Variants in PCDHGA7 observed in about 807,000 individuals in gnomAD.
PCDHGA7 encodes protocadherin gamma subfamily A, 7.
PCDHGA7 carries 44 observed loss-of-function variants against 58.3 expected under a neutral mutation model. That is an observed-to-expected ratio of 0.75 (90% confidence interval 0.59 to 0.97). PCDHGA7 has a LOEUF of 0.97. Ranked by LOEUF, PCDHGA7 falls within the 50% of genes least tolerant of loss-of-function variation. PCDHGA7 has a pLI of 0.00. For synonymous variants in PCDHGA7, 516 were observed against 504.2 expected, an observed-to-expected ratio of 1.02 and a Z score of -0.31; for missense variants, 1,266 against 1,188.7, an observed-to-expected ratio of 1.06 and a Z score of -0.96.
chr5:141,496,766 CT>C (rs1361332988), intron 2 of PCDHGA7, among the ~76,000 whole-genome samples: 1 of 152,068 alleles, frequency 6.6e-6, no homozygotes, highest in Non-Finnish European at 1.5e-5. Context: ...TATCGAGCAT[CT>C]ACTATGAGCA....
intron 1 of PCDHGA7, chr5:141,430,905 C>T: frequency 6.2e-7 from 1 of 1,606,922 alleles, no homozygotes; most frequent in Non-Finnish European, 8.5e-7. Context: ...GGCGACATCT[C>T]CAGGGACCTG....
chr5:141,404,835 C>T, intron 1 of PCDHGA7: 1 of 1,613,920 alleles, frequency 6.2e-7, no homozygotes, highest in Non-Finnish European at 8.5e-7. Context: ...GAAGTGCGCA[C>T]AGCTCGGGCC....
chr5:141,386,424 C>A (rs1233589909), intron 1 of PCDHGA7, among the ~76,000 whole-genome samples: 1 of 151,904 alleles, frequency 6.6e-6, no homozygotes, highest in Non-Finnish European at 1.5e-5. Flanking sequence ...AAGCTGTAGC[C>A]CACCTGCATG....
rs979237199 is a variant in PCDHGA7, at chr5:141,477,828, G to C, written c.2425-16979G>C. On this transcript the variant is annotated intron_variant, in intron 1 of 3. Transcript: ENST00000518325. This position sits in a 1 kb window ranked among gnomAD's most constrained non-coding sequence, Gnocchi z 4.9. Reference sequence around the variant, plus strand: ...AATGCCCCCCAGGTCCTATATCCTCGGCCAGGTGGGAGCTCGGTGGAGATG... The same window carrying C: ...AATGCCCCCCAGGTCCTATATCCTCCGCCAGGTGGGAGCTCGGTGGAGATG... The C allele has an allele frequency of 3.7e-6, 6 of 1,614,082 alleles. No individual in the cohort carries two copies. The highest frequency in any genetic ancestry group is 3.4e-6 in the Non-Finnish European group (4 of 1,180,006).
At chr5:141,470,302 C>A (rs996558051) in intron 1 of PCDHGA7, among the ~76,000 whole-genome samples, 5 of 152,188 alleles carry the variant, frequency 3.3e-5, no homozygotes, top group African/African-American at 1.2e-4. Context: ...GTTTTTATTC[C>A]ATTTTTCCTC....
chr5:141,473,756 A>G (rs2099328139), intron 1 of PCDHGA7, among the ~76,000 whole-genome samples: 1 of 152,228 alleles, frequency 6.6e-6, no homozygotes, highest in African/African-American at 2.4e-5. Context: ...CTTGGATACT[A>G]TGCAAAGGAT....
chr5:141,426,275 G>A (rs531044481), intron 1 of PCDHGA7: 2 of 164,168 alleles, frequency 1.2e-5, no homozygotes, highest in East Asian at 1.6e-4. Context: ...CTGCAGCAAC[G>A]CATGGGAAGG....
At chr5:141,450,445 T>C (rs1490338949) in intron 1 of PCDHGA7, among the ~76,000 whole-genome samples, 1 of 152,168 alleles carries the variant, frequency 6.6e-6, no homozygotes, top group East Asian at 1.9e-4. Context: ...ATTTGTTTTA[T>C]GTTTCCTCGT....
intron 1 of PCDHGA7, chr5:141,397,930 G>C (rs898785209): frequency 5.2e-6 from 4 of 775,998 alleles, no homozygotes; most frequent in Non-Finnish European, 8.1e-6. Flanking sequence ...TCGCGCAGCC[G>C]CAGCGCGCTT....
chr5:141,497,412 A>G (rs963440048), intron 2 of PCDHGA7, among the ~76,000 whole-genome samples: 13 of 151,982 alleles, frequency 8.6e-5, no homozygotes, highest in African/African-American at 3.1e-4. Flanking sequence ...CTCCCATTCC[A>G]TCAAATGAGA....
rs1342379342 is a variant in PCDHGA7 at position 141,384,216 on chromosome 5, C to T, written c.1317C>T (p.Phe439=). 6.2e-7 allele frequency: 1 copy of T among 1,613,896 alleles called. No individual in the cohort carries two copies. Among genetic ancestry groups the T allele is most frequent in the Non-Finnish European group, 8.5e-7 (1 of 1,179,876 alleles). ...CCTTGTCCAGGGAAACTCACATATT[C>T]ATGCAGGTGGCAGACACCAACGATA... The part of the protein sequence containing the change: ...TPPLSRETHI[F]MQVADTNDNP... Residue 439 remains phenylalanine (F), a synonymous_variant, in exon 1 of 4, where the codon TTC becomes TTT. Coordinates refer to ENST00000518325, the MANE Select transcript of PCDHGA7 (RefSeq NM_018920.4).
intron 1 of PCDHGA7, chr5:141,422,019 G>T (rs777239843): frequency 1.9e-6 from 3 of 1,610,862 alleles, no homozygotes; most frequent in Non-Finnish European, 2.5e-6. Context: ...GGGTGCTGAT[G>T]GTTAATGCAA....
intron 1 of PCDHGA7, among the ~76,000 whole-genome samples, chr5:141,386,558 G>A (rs931142144): frequency 6.6e-5 from 10 of 151,826 alleles, no homozygotes; most frequent in African/African-American, 2.4e-4. Flanking sequence ...GTAGTATTTT[G>A]CACATGATAG....
rs61612330 is a variant in PCDHGA7 at position 141,454,796 on chromosome 5, A to ATTTTTTTTTT, written c.2425-39991_2425-39982dup. Among the ~76,000 whole-genome samples, 264 of 77,454 alleles carry ATTTTTTTTTT rather than the reference A, an allele frequency of 3.4e-3. 39 individuals carry two copies. Among genetic ancestry groups the ATTTTTTTTTT allele is most frequent in the African/African-American group, 0.012 (196 of 16,878 alleles). 50.8% of individuals were successfully genotyped at this position (77,454 alleles called of 152,430 possible). A position where few individuals can be genotyped will look rare whatever the true frequency, so the allele number is the denominator to read the frequency against. ...AAGGAAATAATCCTCCATGGTTCTA[A>ATTTTTTTTTT]TTTTTTTTTTTTTTTTTTTTTTTTT... On this transcript the variant is annotated intron_variant, in intron 1 of 3. Transcript: ENST00000518325.
intron 1 of PCDHGA7, chr5:141,421,959 A>G (rs2096614103): frequency 1.9e-6 from 3 of 1,612,798 alleles, no homozygotes; most frequent in East Asian, 2.2e-5. Flanking sequence ...CAATGTTTAC[A>G]CAGTCCGTAT....
At chr5:141,409,898 G>A in intron 1 of PCDHGA7, 1 of 1,613,240 alleles carries the variant, frequency 6.2e-7, no homozygotes, top group Non-Finnish European at 8.5e-7. Flanking sequence ...GCTGTACCCA[G>A]CTCTGGGTCC....
At position 141,491,971 on chromosome 5, in the gene PCDHGA7, T is replaced by C. The variant is rs62379205; in HGVS notation, c.2425-2836T>C. ...CCTACACTCAAAAAAGGCCGGGGCC[T>C]CCTTCGAGCTTCCGGTGAATTTCGG... is the stretch of plus-strand genomic sequence containing the variant. On this transcript the variant is annotated intron_variant, in intron 1 of 3. Coordinates refer to ENST00000518325, the MANE Select transcript of PCDHGA7 (RefSeq NM_018920.4). This position sits in a 1 kb window ranked among gnomAD's most constrained non-coding sequence, Gnocchi z 6.9. The C allele has an allele frequency of 0.2, 165,735 of 830,872 alleles. 17,637 individuals are homozygous for C. Among genetic ancestry groups the C allele is most frequent in the Admixed American group, 0.32 (8,466 of 26,688 alleles). 51.5% of individuals were successfully genotyped at this position (830,872 alleles called of 1,614,324 possible).
intron 1 of PCDHGA7, chr5:141,479,290 T>C (rs1045200175): frequency 1.3e-5 from 2 of 152,438 alleles, no homozygotes; most frequent in Non-Finnish European, 2.9e-5. Flanking sequence ...AAAATAAATC[T>C]AGGCAACCCA....
At position 141,491,725 on chromosome 5, in the gene PCDHGA7, G is replaced by A. The variant is rs1008933711; in HGVS notation, c.2425-3082G>A. The A allele has an allele frequency of 6.2e-7, 1 of 1,606,496 alleles. No homozygotes were observed. The highest frequency in any genetic ancestry group is 1.3e-5 in the African/African-American group (1 of 74,728). On this transcript the variant is annotated intron_variant, in intron 1 of 3. Coordinates refer to ENST00000518325, the MANE Select transcript of PCDHGA7 (RefSeq NM_018920.4). The surrounding 1 kb of genome is among the most constrained non-coding windows in gnomAD (Gnocchi z 6.9). ...GGTGAGGGGCTCGGCGCCGCCCCGGGCGACCCCTGGGGGCGGCACTGGAGA... is the reference window on the plus strand; with the variant it reads ...GGTGAGGGGCTCGGCGCCGCCCCGGACGACCCCTGGGGGCGGCACTGGAGA...
Sources: gnomAD v4.1 joint callset for allele counts (sites outside exome capture counted in the v4.1 genomes callset) on GRCh38, gnomAD v4.1.1 for gene constraint, Gnocchi (gnomAD v3.1) non-coding constraint, MANE v1.5 for transcripts, NCBI Gene and HGNC (gene_info 2026-07-23, HGNC 2026-07-21) for gene names.